The following MED13 variants were observed in gnomAD, a reference collection of about 807,000 sequenced individuals.
MED13 encodes the protein mediator complex subunit 13.
Under a neutral mutation model 225.2 loss-of-function variants are expected in MED13, and 23 were observed. The ratio of observed to expected loss-of-function variants is 0.10; its 90% CI spans 0.07 to 0.14. MED13 has a LOEUF of 0.14. MED13 is among the 10% of genes least tolerant of loss of function. The pLI is 1.00. For synonymous variants in MED13, 942 were observed against 889.2 expected (o/e 1.06, Z -1.06); for missense variants, 2,197 against 2,594.5 (o/e 0.85, Z 3.33).
At chr17:62,015,637 G>C (rs2080556040) in intron 8 of MED13, among the ~76,000 whole-genome samples, 1 of 149,218 alleles carries the variant, frequency 6.7e-6, no homozygotes, top group African/African-American at 2.5e-5. Context: ...GCAGTGGCGT[G>C]ATCTCCGCTC....
intron 3 of MED13, among the ~76,000 whole-genome samples, chr17:62,043,736 A>C (rs1276121780): frequency 6.6e-6 from 1 of 152,264 alleles, no homozygotes; most frequent in Non-Finnish European, 1.5e-5. Context: ...ACCTAATTTC[A>C]AAAGCAGTAC....
Position 62,029,900 on chromosome 17 carries a change from C to T in MED13, c.1123G>A (p.Val375Met). The T allele has an allele frequency of 6.2e-7, 1 of 1,614,022 alleles. No individual in the cohort carries two copies. Residue 375 changes from valine (V) to methionine (M), a missense_variant, in exon 7 of 30, where the codon GTG becomes ATG. Physicochemically the swap from Val to Met is conservative, Grantham distance 21 (BLOSUM62 1). Coordinates refer to ENST00000397786, the MANE Select transcript of MED13 (RefSeq NM_005121.3). ...CATTCTTGCCAAACTCTATCCACCA[C>T]ATGATTTGCTAATTTTCTGGGTATT... is the stretch of plus-strand genomic sequence containing the variant. ...GKIPRKLANH[V>M]VDRVWQECNM...
At chr17:61,995,087 A>T (rs753388159) in intron 10 of MED13, 65 bp downstream of exon 10, 1 of 1,015,890 alleles carries the variant, frequency 9.8e-7, no homozygotes, top group South Asian at 1.4e-5. Context: ...TGGTAGTAAG[A>T]GTGTTACTAT....
intron 17 of MED13, among the ~76,000 whole-genome samples, chr17:61,971,826 C>T (rs1323840437): frequency 4.6e-5 from 7 of 151,754 alleles, no homozygotes; most frequent in South Asian, 2.1e-4. Flanking sequence ...CCCAGCTGTT[C>T]GGGAGGCTAA....
chr17:61,952,151 C>T (rs999282779), intron 27 of MED13, among the ~76,000 whole-genome samples: 7 of 152,016 alleles, frequency 4.6e-5, no homozygotes, highest in Non-Finnish European at 8.8e-5. Flanking sequence ...CCTCAGCCTC[C>T]CAAAGTGCTG....
At chr17:61,971,446 G>A (rs529214126) in intron 17 of MED13, among the ~76,000 whole-genome samples, 42 of 151,748 alleles carry the variant, frequency 2.8e-4, no homozygotes, top group African/African-American at 9.9e-4. Flanking sequence ...TTACAGACAC[G>A]CACCACCATG....
rs190225556 is a variant in MED13 at position 61,962,872 on chromosome 17, T to C, written c.4944A>G (p.Thr1648=). The C allele has an allele frequency of 5.6e-6, 9 of 1,613,944 alleles. No homozygotes were observed. Among genetic ancestry groups the C allele is most frequent in the Non-Finnish European group, 7.6e-6 (9 of 1,180,014 alleles). The change falls in exon 21 of 30, where the codon ACA becomes ACG. Residue 1648 remains threonine, a synonymous_variant. Transcript: ENST00000397786. Reference sequence around the variant, plus strand: ...TAGTGCTCTCGTCTGTATTTTCGTATGTAAAAGGATCAATTATATAAACAA... The same window carrying C: ...TAGTGCTCTCGTCTGTATTTTCGTACGTAAAAGGATCAATTATATAAACAA... ...AIVVYIIDPF[T]YENTDESTNS...
intron 6 of MED13, 53 bp from the exon 7 acceptor site, chr17:62,030,066 T>C (rs926252865): frequency 6.5e-6 from 9 of 1,378,974 alleles, no homozygotes; most frequent in Non-Finnish European, 8.6e-6. Flanking sequence ...AGGTTTAAAG[T>C]AACATTATTT....
chr17:62,003,006 C>T (rs933464896), intron 9 of MED13, among the ~76,000 whole-genome samples: 4 of 152,150 alleles, frequency 2.6e-5, no homozygotes, highest in Admixed American at 2.6e-4. Context: ...GCCAGTAGCA[C>T]ACCCCAAGGT....
At chr17:61,955,203 G>C in intron 26 of MED13, 179 bp downstream of exon 26, 1 of 446,284 alleles carries the variant, frequency 2.2e-6, no homozygotes, top group Non-Finnish European at 3.9e-6. Flanking sequence ...ACATGTTATC[G>C]CATTAAGGGC....
intron 16 of MED13, among the ~76,000 whole-genome samples, chr17:61,973,871 T>C (rs1179621421): frequency 6.6e-6 from 1 of 151,876 alleles, no homozygotes; most frequent in Non-Finnish European, 1.5e-5. Context: ...TAATCCCAGC[T>C]ACTCGGGAGG....
At chr17:62,002,155 G>T (rs989930819) in intron 9 of MED13, among the ~76,000 whole-genome samples, 1 of 152,090 alleles carries the variant, frequency 6.6e-6, no homozygotes, top group Non-Finnish European at 1.5e-5. Flanking sequence ...CTTTAAAATT[G>T]TAAGTGCTTC....
intron 20 of MED13, 58 bp downstream of exon 20, chr17:61,964,944 AAAAG>A (rs563569274): frequency 2.2e-4 from 322 of 1,473,938 alleles, no homozygotes; most frequent in Middle Eastern, 7.6e-4. Context: ...TCAAGAAAAA[AAAAG>A]AAAGAAGCAG....
chr17:62,017,370 C>T (rs972239887), intron 8 of MED13, among the ~76,000 whole-genome samples: 3 of 151,172 alleles, frequency 2.0e-5, no homozygotes, highest in African/African-American at 7.3e-5. Context: ...AACAAAAGAA[C>T]AAAAATAGAA....
Position 62,035,313 on chromosome 17 carries a change from G to A in MED13, c.616+150C>T, listed in dbSNP as rs897061571. ...AAATTTATTTCACTGACTTAACACT[G>A]TAATGGGGAAGGAAAAAGTAAATGA... is the stretch of plus-strand genomic sequence containing the variant. On this transcript the variant is annotated intron_variant, in intron 4 of 29. Transcript: ENST00000397786. 49 of 726,884 alleles carry A rather than the reference G, an allele frequency of 6.7e-5. No homozygotes were observed. In the Admixed American group the frequency reaches 1.7e-3, roughly 25 times the overall value. 45.0% of individuals were successfully genotyped at this position (726,884 alleles called of 1,614,324 possible).
rs939280100 is a variant in MED13, at chr17:61,946,847, A to T, written c.6392+70T>A. ...TAAATTCTTGCCAAAAATGAGAAAA[A>T]TATATAAGAATCAACATTATATTCT... On this transcript the variant is annotated intron_variant, in intron 29 of 29. Coordinates refer to ENST00000397786, the MANE Select transcript of MED13 (RefSeq NM_005121.3). 5 of 1,413,658 alleles carry T rather than the reference A, an allele frequency of 3.5e-6. No individual in the cohort carries two copies. The South Asian group carries it at 6.0e-5, about 17-fold the overall frequency. 87.6% of individuals were successfully genotyped at this position (1,413,658 alleles called of 1,614,324 possible). A position where few individuals can be genotyped will look rare whatever the true frequency, so the allele number is the denominator to read the frequency against.
At chr17:62,022,864 T>C (rs1364774119) in intron 8 of MED13, among the ~76,000 whole-genome samples, 2 of 151,862 alleles carry the variant, frequency 1.3e-5, no homozygotes, top group African/African-American at 4.8e-5. Flanking sequence ...TTAAAAATTA[T>C]CCGAGCATTG....
intron 9 of MED13, chr17:62,007,032 G>A (rs1240258415): frequency 2.0e-5 from 3 of 150,408 alleles, no homozygotes; most frequent in Non-Finnish European, 3.0e-5. Context: ...ACGAGGTCAG[G>A]AGATCAAGAC....
At chr17:61,956,812 A>C (rs2079949391) in intron 23 of MED13, among the ~76,000 whole-genome samples, 1 of 152,126 alleles carries the variant, frequency 6.6e-6, no homozygotes, top group African/African-American at 2.4e-5. Flanking sequence ...GTGCTGGATT[A>C]CAGGTGTGAG....
Sources: gnomAD v4.1 joint callset for allele counts (sites outside exome capture counted in the v4.1 genomes callset) on GRCh38, gnomAD v4.1.1 for gene constraint, MANE v1.5 for transcripts, NCBI Gene and HGNC (gene_info 2026-07-23, HGNC 2026-07-21) for gene names.